KNDC1: variants seen among roughly 807,000 people sequenced by gnomAD.
KNDC1 encodes kinase non-catalytic C-lobe domain containing 1, also known as kinase non-catalytic C-lobe domain-containing protein 1.
KNDC1 carries 106 observed loss-of-function variants against 172.8 expected under a neutral mutation model. The ratio of observed to expected loss-of-function variants is 0.61; its 90% CI spans 0.52 to 0.72. The LOEUF is 0.72. Among genes scored for constraint, KNDC1 ranks in the 30% least tolerant of loss-of-function variants. The pLI is 0.00. For synonymous variants in KNDC1, 1,083 were observed against 1,062.2 expected, an observed-to-expected ratio of 1.02 and a Z score of -0.38; for missense variants, 2,325 against 2,394.5, an observed-to-expected ratio of 0.97 and a Z score of 0.61.
At chr10:133,184,842 A>G (rs2135975472) in intron 5 of KNDC1, among the ~76,000 whole-genome samples, 1 of 152,370 alleles carries the variant, frequency 6.6e-6, no homozygotes, top group Non-Finnish European at 1.5e-5. Flanking sequence ...TCTCATGGGC[A>G]TTTCAATAAA....
rs1329490402 is a variant in KNDC1 at position 133,224,582 on chromosome 10, C to T, written c.5019-77C>T. ...ATTTAGTCCAAATGATTCCTAAGAA[C>T]GCGGGGGGACTCCCTCCCCACGGAA... On this transcript the variant is annotated intron_variant, in intron 29 of 29. Coordinates refer to ENST00000304613, the MANE Select transcript of KNDC1 (RefSeq NM_152643.8). The surrounding 1 kb of genome is among the most constrained non-coding windows in gnomAD (Gnocchi z 5.4). 14 of 987,278 alleles carry T rather than the reference C, an allele frequency of 1.4e-5. No homozygotes were observed. Among genetic ancestry groups the T allele is most frequent in the South Asian group, 4.6e-5 (3 of 64,984 alleles). 61.2% of individuals were successfully genotyped at this position (987,278 alleles called of 1,614,324 possible).
At chr10:133,204,144 C>A (rs1356949610) in intron 17 of KNDC1, among the ~76,000 whole-genome samples, 2 of 152,178 alleles carry the variant, frequency 1.3e-5, no homozygotes, top group African/African-American at 4.8e-5. Flanking sequence ...AACGTGGCCA[C>A]CACCATCCTC....
Position 133,206,093 on chromosome 10 carries a change from G to A in KNDC1, c.3388-592G>A, listed in dbSNP as rs1047442430. On this transcript the variant is annotated intron_variant, in intron 17 of 29. Transcript: ENST00000304613. ...TGCATGCCTGTAATCCCAGCTACTCGGGAGGCTGAGGCAGGAGAATCGCTT... is the reference window on the plus strand; with the variant it reads ...TGCATGCCTGTAATCCCAGCTACTCAGGAGGCTGAGGCAGGAGAATCGCTT... 8.5e-5 allele frequency among the ~76,000 whole-genome samples: 13 copies of A among 152,188 alleles called. No homozygotes were observed. The East Asian group carries it at 1.4e-3, about 16-fold the overall frequency.
chr10:133,182,560 G>A (rs780229093), intron 3 of KNDC1, among the ~76,000 whole-genome samples: 35 of 152,222 alleles, frequency 2.3e-4, no homozygotes, highest in Admixed American at 7.9e-4. Context: ...ACAGGCAGCC[G>A]TCCTGGGAAG....
Position 133,201,862 on chromosome 10 carries a change from G to T in KNDC1, c.3351G>T (p.Gln1117His). ...VHNYVKDLGR[Q>H]QADGALPDAQ... Reference sequence around the variant, plus strand: ...ACTACGTGAAGGACCTGGGGCGGCAGCAGGCGGACGGGGCCCTGCCCGACG... The same window carrying T: ...ACTACGTGAAGGACCTGGGGCGGCATCAGGCGGACGGGGCCCTGCCCGACG... The change falls in exon 17 of 30, where the codon CAG becomes CAT. Residue 1117 changes from glutamine to histidine, a missense_variant. By Grantham distance (24) the Gln-to-His change is conservative. Transcript: ENST00000304613. 1 of 1,476,710 alleles carries T rather than the reference G, an allele frequency of 6.8e-7. No homozygotes were observed. The allele number at this position is 1,476,710 out of a possible 1,614,324, so 91.5% of individuals were successfully genotyped here.
At chr10:133,166,259 G>C (rs4838700) in intron 1 of KNDC1, among the ~76,000 whole-genome samples, 49,532 of 151,862 alleles carry the variant, frequency 0.33, 8,210 homozygotes, top group East Asian at 0.47. Flanking sequence ...TCCTCCTCAC[G>C]GGCCCCACCC....
At position 133,186,505 on chromosome 10, in the gene KNDC1, G is replaced by A. The variant is rs1421736357; in HGVS notation, c.1157G>A (p.Gly386Asp). The A allele has an allele frequency of 6.2e-7, 1 of 1,612,206 alleles. No homozygotes were observed. Among genetic ancestry groups the A allele is most frequent in the Non-Finnish European group, 8.5e-7 (1 of 1,179,782 alleles). ...VPCAGRSTDR[G>D]PGVPGSPGQP... ...TGTGCAGGCCGCAGCACGGACAGGG[G>A]CCCTGGGGTGCCCGGCAGTCCAGGA... Residue 386 changes from glycine to aspartate, a missense_variant, in exon 6 of 30, where the codon GGC (glycine) becomes GAC (aspartate). Coordinates refer to ENST00000304613, the MANE Select transcript of KNDC1 (RefSeq NM_152643.8).
chr10:133,224,080 G>A lies in KNDC1; in HGVS notation c.5019-579G>A, dbSNP rs538815791. On this transcript the variant is annotated intron_variant, in intron 29 of 29. Transcript: ENST00000304613. The surrounding 1 kb of genome is among the most constrained non-coding windows in gnomAD (Gnocchi z 5.4). ...TTGGCCTTTCTTTGCCGTAATGGAC[G>A]CCCCTTTCTTTGTCCCTCACACTGG... is the stretch of plus-strand genomic sequence containing the variant. Among the ~76,000 whole-genome samples, 16 of 152,148 alleles carry A rather than the reference G, an allele frequency of 1.1e-4. No homozygotes were observed. In the East Asian group the frequency reaches 1.5e-3, roughly 15 times the overall value.
intron 2 of KNDC1, among the ~76,000 whole-genome samples, chr10:133,167,852 C>G (rs143676237): frequency 8.7e-4 from 132 of 152,326 alleles, no homozygotes; most frequent in African/African-American, 3.1e-3. Context: ...CAGGACTTCC[C>G]CTAAGGGCAG....
intron 9 of KNDC1, among the ~76,000 whole-genome samples, chr10:133,195,196 G>A (rs748889828): frequency 1.3e-5 from 2 of 152,234 alleles, no homozygotes; most frequent in African/African-American, 2.4e-5. Flanking sequence ...CGTGCCGGAT[G>A]AACTCAGTTT....
rs753376283 is a variant in KNDC1 at position 133,183,463 on chromosome 10, G to A, written c.480G>A (p.Glu160=). ...CGCTGCTGAGCCGGATGCAGGCGGA[G>A]GACCCCGGGGACCGGCCGGACCTTG... ...LEALLSRMQA[E]DPGDRPDLES... The change falls in exon 4 of 30, where the codon GAG becomes GAA. Residue 160 remains glutamate (E), a synonymous_variant. Transcript: ENST00000304613. The A allele has an allele frequency of 5.6e-6, 9 of 1,604,816 alleles. No individual in the cohort carries two copies. In the South Asian group the frequency reaches 6.7e-5, roughly 12 times the overall value.
intron 1 of KNDC1, among the ~76,000 whole-genome samples, chr10:133,164,887 C>G (rs895466497): frequency 6.6e-6 from 1 of 152,190 alleles, no homozygotes. Context: ...CCAGTCCTCT[C>G]GTCCTGTCCT....
rs143175024 is a variant in KNDC1 at position 133,168,418 on chromosome 10, C to T, written c.360+106C>T. The T allele has an allele frequency of 1.2e-3, 1,499 of 1,209,244 alleles. 16 individuals carry two copies. The African/African-American group carries it at 0.02, about 16-fold the overall frequency. 74.9% of individuals were successfully genotyped at this position (1,209,244 alleles called of 1,614,324 possible). A position where few individuals can be genotyped will look rare whatever the true frequency, so the allele number is the denominator to read the frequency against. On this transcript the variant is annotated intron_variant, in intron 3 of 29. Transcript: ENST00000304613. ...GCCTTGGGGCGACCTCTGCAAGTGG[C>T]CTCTGGCCGGGAGCGGAGCCGCTGC...
At chr10:133,196,695 G>A (rs1329407212) in intron 10 of KNDC1, among the ~76,000 whole-genome samples, 1 of 152,156 alleles carries the variant, frequency 6.6e-6, no homozygotes, top group African/African-American at 2.4e-5. Flanking sequence ...CAGTTCCCAT[G>A]TGCACAAGGC....
At chr10:133,182,284 C>A (rs1853740747) in intron 3 of KNDC1, among the ~76,000 whole-genome samples, 1 of 141,708 alleles carries the variant, frequency 7.1e-6, no homozygotes, top group Admixed American at 6.7e-5. Context: ...GGCCTGGGGC[C>A]AGGGCAGCCC....
intron 20 of KNDC1, among the ~76,000 whole-genome samples, chr10:133,207,917 G>A (rs558718424): frequency 6.6e-6 from 1 of 152,308 alleles, no homozygotes; most frequent in Non-Finnish European, 1.5e-5. Flanking sequence ...AGCCCCCTTG[G>A]CCCTTCACCC....
Position 133,199,581 on chromosome 10 carries a change from G to A in KNDC1, c.2882G>A (p.Gly961Glu), listed in dbSNP as rs138858958. The change falls in exon 15 of 30, where the codon GGG becomes GAG. Residue 961 changes from glycine (G) to glutamate (E), a missense_variant. Gly to Glu is a moderately conservative substitution (Grantham distance 98). Transcript: ENST00000304613. ...CAGAACCTCTTTAAGGTGGTCAACG[G>A]GCAGGCGTCACCCTCCCCAAGGTGG... ...LLQNLFKVVN[G>E]QASPSPSTAE... 18 of 1,613,440 alleles carry A rather than the reference G, an allele frequency of 1.1e-5. No individual in the cohort carries two copies. The African/African-American group carries it at 2.0e-4, about 18-fold the overall frequency.
At chr10:133,169,443 G>C (rs1447968629) in intron 3 of KNDC1, among the ~76,000 whole-genome samples, 1 of 152,248 alleles carries the variant, frequency 6.6e-6, no homozygotes, top group Non-Finnish European at 1.5e-5. Context: ...CTGGCTGACA[G>C]AGCAAGACCT....
In KNDC1 at chr10:133,178,106, G is replaced by A. The variant is rs563180988; in HGVS notation, c.361-5238G>A. On this transcript the variant is annotated intron_variant, in intron 3 of 29. Transcript: ENST00000304613. ...GTTTGGTGTGTGTGCAGTGTGTAGC[G>A]TGCATGTGTGTGGTGTGTGTGCATG... Among the ~76,000 whole-genome samples the A allele has an allele frequency of 1.0e-4, 15 of 150,040 alleles. No homozygotes were observed. In the South Asian group the frequency reaches 2.1e-3, roughly 21 times the overall value.
Sources: gnomAD v4.1 joint callset for allele counts (sites outside exome capture counted in the v4.1 genomes callset) on GRCh38, gnomAD v4.1.1 for gene constraint, Gnocchi (gnomAD v3.1) non-coding constraint, MANE v1.5 for transcripts, NCBI Gene and HGNC (gene_info 2026-07-23, HGNC 2026-07-21) for gene names.